XKR9: variants seen among roughly 807,000 people sequenced by gnomAD.
The protein encoded by XKR9 is XK related 9, also known as XK-related protein 9.
A neutral mutation model predicts 32.0 loss-of-function variants in XKR9; 32 were observed. The observed-to-expected ratio is 1.00, with a 90% confidence interval of 0.76 to 1.34. XKR9 has a LOEUF of 1.34. XKR9 is among the 40% of genes most tolerant of loss of function. The pLI, the probability that XKR9 is intolerant of heterozygous loss-of-function variation, is 0.00. For missense variants in XKR9, 546 were observed against 429.7 expected (o/e 1.27, Z -2.39); for synonymous variants, 168 against 143.4 (o/e 1.17, Z -1.22).
chr8:70,694,569 C>T (rs1357307586), intron 3 of XKR9, among the ~76,000 whole-genome samples: 3 of 152,120 alleles, frequency 2.0e-5, no homozygotes, highest in Non-Finnish European at 4.4e-5. Context: ...TGTGGGAATC[C>T]CTTCTGCCTT....
At chr8:71,037,170 A>G in the XKR9 span, among the ~76,000 whole-genome samples, 142 of 152,210 alleles carry the variant, frequency 9.3e-4, 2 homozygotes, top group African/African-American at 3.2e-3. Flanking sequence ...TTCTAATTTT[A>G]TTCTTAACAA....
the XKR9 span, among the ~76,000 whole-genome samples, chr8:70,850,062 C>T: frequency 6.6e-6 from 1 of 152,088 alleles, no homozygotes. Context: ...TGGTACCATT[C>T]CTTCTGAAAC....
the XKR9 span, among the ~76,000 whole-genome samples, chr8:71,061,627 C>T: frequency 4.6e-5 from 7 of 152,072 alleles, no homozygotes; most frequent in Non-Finnish European, 8.8e-5. Flanking sequence ...AGGGTGTTTT[C>T]ATTAGACAGA....
the XKR9 span, among the ~76,000 whole-genome samples, chr8:70,802,368 T>C: frequency 5.9e-5 from 9 of 152,336 alleles, no homozygotes; most frequent in African/African-American, 2.2e-4. Context: ...AGCCTATAAG[T>C]GTCACTGCAT....
the XKR9 span, among the ~76,000 whole-genome samples, chr8:71,032,525 A>T: frequency 1.3e-5 from 2 of 152,024 alleles, no homozygotes; most frequent in Non-Finnish European, 2.9e-5. Flanking sequence ...GATTTGGGAG[A>T]GCTCAGACAT....
the XKR9 span, among the ~76,000 whole-genome samples, chr8:70,822,100 T>A: frequency 2.0e-5 from 3 of 152,204 alleles, no homozygotes; most frequent in Non-Finnish European, 2.9e-5. Context: ...GAATATTGTA[T>A]TTATTAAAAG....
At chr8:71,050,035 A>G in the XKR9 span, among the ~76,000 whole-genome samples, 635 of 152,178 alleles carry the variant, frequency 4.2e-3, 9 homozygotes, top group African/African-American at 0.014. Flanking sequence ...TCGAGGCAGC[A>G]TAGTATATTT....
chr8:71,039,481 G>A, the XKR9 span, among the ~76,000 whole-genome samples: 1 of 152,110 alleles, frequency 6.6e-6, no homozygotes, highest in Admixed American at 6.5e-5. Context: ...GGCTGTATGA[G>A]TTCTTAAGTA....
chr8:70,814,604 A>G, the XKR9 span, among the ~76,000 whole-genome samples: 1 of 152,114 alleles, frequency 6.6e-6, no homozygotes, highest in Non-Finnish European at 1.5e-5. Context: ...TAAAAATAAT[A>G]AAGGCCATAT....
At chr8:70,781,967 G>A (rs533996261) in intron 2 of XKR9, among the ~76,000 whole-genome samples, 1 of 152,276 alleles carries the variant, frequency 6.6e-6, no homozygotes, top group African/African-American at 2.4e-5. Context: ...TTGGTATGTG[G>A]TTAGAACTTT....
the XKR9 span, among the ~76,000 whole-genome samples, chr8:70,974,478 T>G: frequency 1.3e-5 from 2 of 152,082 alleles, no homozygotes; most frequent in Non-Finnish European, 2.9e-5. Context: ...CACCTATGAG[T>G]GAGAACATGC....
intron 2 of XKR9, among the ~76,000 whole-genome samples, chr8:70,784,681 C>T (rs1807660255): frequency 6.6e-6 from 1 of 151,810 alleles, no homozygotes; most frequent in Admixed American, 6.6e-5. Flanking sequence ...TATTTGGATG[C>T]CTTTTATTTC....
At chr8:70,936,866 G>A in the XKR9 span, among the ~76,000 whole-genome samples, 1 of 151,960 alleles carries the variant, frequency 6.6e-6, no homozygotes, top group Non-Finnish European at 1.5e-5. Context: ...TTAGGATTTT[G>A]TCTTTTTCTT....
intron 4 of XKR9, among the ~76,000 whole-genome samples, chr8:70,715,798 T>C (rs1407845269): frequency 6.6e-6 from 1 of 152,052 alleles, no homozygotes; most frequent in African/African-American, 2.4e-5. Flanking sequence ...AACAGAACAG[T>C]AAGTTTAAGG....
At chr8:70,987,182 C>G in the XKR9 span, among the ~76,000 whole-genome samples, 41 of 152,220 alleles carry the variant, frequency 2.7e-4, no homozygotes, top group Non-Finnish European at 8.8e-5. Flanking sequence ...GCCCCTGGAC[C>G]CTGCCAAATC....
chr8:71,021,503 T>C, the XKR9 span, among the ~76,000 whole-genome samples: 4 of 140,418 alleles, frequency 2.8e-5, no homozygotes, highest in Non-Finnish European at 4.6e-5. Flanking sequence ...GGTTTCTTTT[T>C]TTTTTTTTTT....
chr8:70,962,106 G>A, the XKR9 span, among the ~76,000 whole-genome samples: 72 of 152,180 alleles, frequency 4.7e-4, no homozygotes, highest in Admixed American at 4.6e-4. Flanking sequence ...TGAAATCACC[G>A]TTATTTTTAA....
At chr8:70,724,094 G>A (rs1160151659) in intron 4 of XKR9, among the ~76,000 whole-genome samples, 1 of 152,098 alleles carries the variant, frequency 6.6e-6, no homozygotes, top group East Asian at 1.9e-4. Context: ...CAGTGAGAAG[G>A]AATCTAGAGA....
chr8:70,694,874 A>G (rs1466562407), intron 3 of XKR9, among the ~76,000 whole-genome samples: 1 of 152,162 alleles, frequency 6.6e-6, no homozygotes, highest in Non-Finnish European at 1.5e-5. Flanking sequence ...GGAAAGCCCT[A>G]GTATCTAAGC....
Sources: gnomAD v4.1 joint callset for allele counts (sites outside exome capture counted in the v4.1 genomes callset) on GRCh38, gnomAD v4.1.1 for gene constraint, MANE v1.5 for transcripts, NCBI Gene and HGNC (gene_info 2026-07-23, HGNC 2026-07-21) for gene names.